Variants in MACROD2 observed in about 807,000 individuals in gnomAD.
The protein encoded by MACROD2 is mono-ADP ribosylhydrolase 2.
In MACROD2, 36 loss-of-function variants were observed where a neutral mutation model predicts 70.4. The ratio of observed to expected loss-of-function variants is 0.51; its 90% CI spans 0.39 to 0.68. The LOEUF (loss-of-function observed/expected upper bound fraction) is 0.68, where lower values mean the gene tolerates loss of function less well. Ranked by LOEUF, MACROD2 falls within the 30% of genes least tolerant of loss-of-function variation. The pLI is 0.00. For synonymous variants in MACROD2, 172 were observed against 178.8 expected (o/e 0.96, Z 0.30); for missense variants, 496 against 538.4 (o/e 0.92, Z 0.78).
At chr20:15,756,946 C>T (rs1039551364) in intron 8 of MACROD2, among the ~76,000 whole-genome samples, 1 of 152,188 alleles carries the variant, frequency 6.6e-6, no homozygotes, top group Admixed American at 6.5e-5. Flanking sequence ...CAAATGCAAG[C>T]AGGCTTCCGA....
At chr20:14,436,521 C>T (rs1193058265) in intron 3 of MACROD2, among the ~76,000 whole-genome samples, 1 of 152,156 alleles carries the variant, frequency 6.6e-6, no homozygotes, top group African/African-American at 2.4e-5. Context: ...TTAACCATCA[C>T]CCTGTATTGT....
At chr20:15,653,047 A>G (rs1395829127) in intron 8 of MACROD2, among the ~76,000 whole-genome samples, 1 of 152,198 alleles carries the variant, frequency 6.6e-6, no homozygotes, top group African/African-American at 2.4e-5. Context: ...AAGATAATAC[A>G]TTAGAAAAGA....
intron 3 of MACROD2, among the ~76,000 whole-genome samples, chr20:14,317,285 T>G (rs760927829): frequency 1.3e-4 from 20 of 152,152 alleles, no homozygotes; most frequent in Non-Finnish European, 2.5e-4. Flanking sequence ...ATGGTACCTA[T>G]CATAGTTTTT....
intron 7 of MACROD2, among the ~76,000 whole-genome samples, chr20:15,455,819 T>C (rs998145786): frequency 1.3e-5 from 2 of 152,188 alleles, no homozygotes. Context: ...TTCTAGATGC[T>C]GACTGACCTC....
chr20:15,794,291 T>C (rs1315881996), intron 8 of MACROD2, among the ~76,000 whole-genome samples: 1 of 152,226 alleles, frequency 6.6e-6, no homozygotes, highest in African/African-American at 2.4e-5. Context: ...TTTTCTTTTG[T>C]TAAGATTTAT....
chr20:14,079,564 C>T (rs2053962437), intron 2 of MACROD2, among the ~76,000 whole-genome samples: 1 of 152,136 alleles, frequency 6.6e-6, no homozygotes, highest in African/African-American at 2.4e-5. Context: ...TTTCTTCCAA[C>T]CTGATCCCTC....
chr20:14,954,418 C>A (rs1600867244), intron 5 of MACROD2, among the ~76,000 whole-genome samples: 2 of 148,218 alleles, frequency 1.3e-5, no homozygotes, highest in East Asian at 3.9e-4. Context: ...CACGGTAAAA[C>A]CTCCCTGTAG....
chr20:15,442,257 T>C (rs2046505692), intron 7 of MACROD2, among the ~76,000 whole-genome samples: 1 of 152,196 alleles, frequency 6.6e-6, no homozygotes, highest in Non-Finnish European at 1.5e-5. Context: ...GATACTCTTT[T>C]AAAAATGTAT....
At chr20:14,441,530 T>A (rs1479623314) in intron 3 of MACROD2, among the ~76,000 whole-genome samples, 2 of 152,214 alleles carry the variant, frequency 1.3e-5, no homozygotes, top group East Asian at 1.9e-4. Flanking sequence ...CTAGAAGTCA[T>A]CTGTAGTGAC....
intron 13 of MACROD2, 121 bp downstream of exon 13, chr20:15,967,751 T>C (rs2066166005): frequency 2.5e-6 from 2 of 788,482 alleles, no homozygotes; most frequent in Admixed American, 3.2e-5. Context: ...AATAACACTT[T>C]ATTAGCACTG....
chr20:14,749,891 G>C (rs2071847708), intron 5 of MACROD2, among the ~76,000 whole-genome samples: 1 of 152,032 alleles, frequency 6.6e-6, no homozygotes, highest in South Asian at 2.1e-4. Context: ...GGAAACAGAA[G>C]GTAGAATGGT....
intron 6 of MACROD2, among the ~76,000 whole-genome samples, chr20:15,379,421 A>G (rs6074884): frequency 0.11 from 16,809 of 151,934 alleles, 1,178 homozygotes; most frequent in Non-Finnish European, 0.16. Flanking sequence ...TCCACTTGGC[A>G]TAGTCTTGGC....
chr20:15,709,380 G>T (rs1486741850), intron 8 of MACROD2, among the ~76,000 whole-genome samples: 1 of 152,134 alleles, frequency 6.6e-6, no homozygotes, highest in African/African-American at 2.4e-5. Context: ...GTACCTATAG[G>T]CCAGGTGTGG....
At chr20:15,849,945 G>A (rs1293973731) in intron 8 of MACROD2, among the ~76,000 whole-genome samples, 1 of 152,156 alleles carries the variant, frequency 6.6e-6, no homozygotes, top group Non-Finnish European at 1.5e-5. Flanking sequence ...TGTCTTCTTC[G>A]TGTAAGGGTA....
At chr20:15,121,513 CAAA>C (rs5840653) in intron 5 of MACROD2, among the ~76,000 whole-genome samples, 31 of 122,050 alleles carry the variant, frequency 2.5e-4, no homozygotes, top group African/African-American at 6.4e-4. Context: ...AACTCTGCCT[CAAA>C]AAAAAAAAAA....
chr20:15,823,338 G>A (rs1308550192), intron 8 of MACROD2, among the ~76,000 whole-genome samples: 3 of 150,128 alleles, frequency 2.0e-5, no homozygotes, highest in Non-Finnish European at 3.0e-5. Flanking sequence ...CTGTCTATGC[G>A]AAGCAAATCA....
At chr20:14,275,448 A>G (rs547220025) in intron 3 of MACROD2, among the ~76,000 whole-genome samples, 3,821 of 151,876 alleles carry the variant, frequency 0.025, 138 homozygotes, top group African/African-American at 0.086. Flanking sequence ...CTGAAACTGG[A>G]TCCCTTCCTT....
chr20:15,147,187 T>A (rs1161519886), intron 5 of MACROD2, among the ~76,000 whole-genome samples: 1 of 152,188 alleles, frequency 6.6e-6, no homozygotes, highest in Non-Finnish European at 1.5e-5. Flanking sequence ...CAAATGCCTT[T>A]ATTTCAGAAT....
intron 5 of MACROD2, among the ~76,000 whole-genome samples, chr20:14,727,945 C>T (rs1342613508): frequency 1.3e-5 from 2 of 152,068 alleles, no homozygotes; most frequent in African/African-American, 4.8e-5. Context: ...TTGTGCAATC[C>T]TTTCATAGCC....
Sources: gnomAD v4.1 joint callset for allele counts (sites outside exome capture counted in the v4.1 genomes callset) on GRCh38, gnomAD v4.1.1 for gene constraint, MANE v1.5 for transcripts, NCBI Gene and HGNC (gene_info 2026-07-23, HGNC 2026-07-21) for gene names.